PSEN1: variants seen among roughly 807,000 people sequenced by gnomAD.
PSEN1 encodes presenilin 1, also known as presenilin-1.
Under a neutral mutation model 53.5 loss-of-function variants are expected in PSEN1, and 15 were observed. The observed-to-expected ratio is 0.28, with a 90% CI of 0.19 to 0.43. PSEN1 has a LOEUF of 0.43. PSEN1 is among the 20% of genes least tolerant of loss of function. PSEN1 has a pLI of 1.00. For missense variants in PSEN1, 387 were observed against 571.2 expected, an observed-to-expected ratio of 0.68 and a Z score of 3.29; for synonymous variants, 208 against 209.8, an observed-to-expected ratio of 0.99 and a Z score of 0.08.
intron 5 of PSEN1, among the ~76,000 whole-genome samples, chr14:73,184,656 ACCTC>A (rs1232604812): frequency 4.6e-4 from 54 of 116,576 alleles, no homozygotes; most frequent in African/African-American, 1.7e-3. Flanking sequence ...TGACCCCCCC[ACCTC>A]CCTCCCGGAC....
intron 5 of PSEN1, among the ~76,000 whole-genome samples, chr14:73,185,795 T>C (rs1000190715): frequency 1.3e-5 from 2 of 152,152 alleles, no homozygotes; most frequent in African/African-American, 4.8e-5. Context: ...ATGATCCGCC[T>C]GCCGTGGCCT....
At chr14:73,183,535 A>G (rs2140066702) in intron 5 of PSEN1, among the ~76,000 whole-genome samples, 1 of 152,324 alleles carries the variant, frequency 6.6e-6, no homozygotes, top group South Asian at 2.1e-4. Context: ...TCTGTTTAAC[A>G]AAACACATCT....
rs571825723 is a variant in PSEN1, at chr14:73,211,867, C to G, written c.1054C>G (p.Arg352Gly). The G allele has an allele frequency of 6.2e-7, 1 of 1,611,732 alleles. No individual in the cohort carries two copies. Among genetic ancestry groups the G allele is most frequent in the Non-Finnish European group, 8.5e-7 (1 of 1,179,108 alleles). Residue 352 changes from arginine to glycine, a missense_variant, in exon 10 of 12, where the codon CGC becomes GGC. Around this residue, in one of 4 missense-constraint regions of PSEN1, gnomAD observed 75 missense variants for 63.7 expected, o/e 1.18. Transcript: ENST00000324501. ...AQRDSHLGPH[R>G]STPESRAAVQ... ...GAGGGACAGTCATCTAGGGCCTCAT[C>G]GCTCTACACCTGAGTCACGAGCTGC...
intron 5 of PSEN1, among the ~76,000 whole-genome samples, chr14:73,180,991 T>C (rs1898194100): frequency 6.6e-6 from 1 of 152,214 alleles, no homozygotes; most frequent in African/African-American, 2.4e-5. Flanking sequence ...AAGAAGGAAT[T>C]AGAAATGCAG....
chr14:73,154,460 G>A (rs988673207), intron 3 of PSEN1, among the ~76,000 whole-genome samples: 2 of 151,944 alleles, frequency 1.3e-5, no homozygotes, highest in African/African-American at 2.4e-5. Context: ...AATTAGTGGG[G>A]TGTGGTAGTG....
chr14:73,156,953 C>T (rs553079999), intron 3 of PSEN1, among the ~76,000 whole-genome samples: 39 of 152,148 alleles, frequency 2.6e-4, no homozygotes, highest in African/African-American at 7.2e-4. Flanking sequence ...TGAGCCACCA[C>T]GCCTGGCCTT....
At chr14:73,214,978 T>C (rs1899852931) in intron 10 of PSEN1, among the ~76,000 whole-genome samples, 2 of 152,104 alleles carry the variant, frequency 1.3e-5, no homozygotes, top group African/African-American at 4.8e-5. Context: ...ATTTTTTTAT[T>C]TTTTGAGACA....
chr14:73,138,731 C>T (rs1368613464), intron 1 of PSEN1, among the ~76,000 whole-genome samples: 2 of 149,204 alleles, frequency 1.3e-5, no homozygotes, highest in Admixed American at 6.7e-5. Flanking sequence ...GAGGCCGTGG[C>T]GGGCGGATCA....
Position 73,211,860 on chromosome 14 carries a change from G to A in PSEN1, c.1047G>A (p.Gly349=), listed in dbSNP as rs1899698988. 1 of 1,613,314 alleles carries A rather than the reference G, an allele frequency of 6.2e-7. No homozygotes were observed. Among genetic ancestry groups the A allele is most frequent in the Non-Finnish European group, 8.5e-7 (1 of 1,179,838 alleles). Reference sequence around the variant, plus strand: ...AAGCCCAGAGGGACAGTCATCTAGGGCCTCATCGCTCTACACCTGAGTCAC... The same window carrying A: ...AAGCCCAGAGGGACAGTCATCTAGGACCTCATCGCTCTACACCTGAGTCAC... The part of the protein sequence containing the change: ...EWEAQRDSHL[G]PHRSTPESRA... The change falls in exon 10 of 12, where the codon GGG becomes GGA. Residue 349 remains glycine (G), a synonymous_variant. Transcript: ENST00000324501.
chr14:73,146,405 T>C (rs1031476843), intron 1 of PSEN1, among the ~76,000 whole-genome samples: 3 of 152,132 alleles, frequency 2.0e-5, no homozygotes, highest in East Asian at 1.9e-4. Flanking sequence ...GGCTGGAGAC[T>C]GATCTGCAAC....
intron 1 of PSEN1, among the ~76,000 whole-genome samples, chr14:73,137,637 A>ACGAG (rs1896782535): frequency 6.6e-6 from 1 of 152,160 alleles, no homozygotes; most frequent in Non-Finnish European, 1.5e-5. Flanking sequence ...GCTGAGGAGA[A>ACGAG]TGAGTGTGGT....
At chr14:73,143,778 T>G (rs990953561) in intron 1 of PSEN1, among the ~76,000 whole-genome samples, 7 of 151,910 alleles carry the variant, frequency 4.6e-5, no homozygotes, top group African/African-American at 1.7e-4. Flanking sequence ...GTTGGGAGAC[T>G]GAAGTGGTAG....
At chr14:73,212,033 TAC>T in intron 10 of PSEN1, 91 bp downstream of exon 10, 1 of 1,137,788 alleles carries the variant, frequency 8.8e-7, no homozygotes, top group Non-Finnish European at 1.3e-6. Context: ...TTGAGAGTGT[TAC>T]AGTCTAATTC....
At chr14:73,184,650 C>G (rs1338584802) in intron 5 of PSEN1, among the ~76,000 whole-genome samples, 19 of 143,754 alleles carry the variant, frequency 1.3e-4, no homozygotes, top group African/African-American at 4.7e-4. Context: ...GGGGGCTGAC[C>G]CCCCCACCTC....
intron 1 of PSEN1, among the ~76,000 whole-genome samples, chr14:73,146,715 A>C (rs1211859908): frequency 6.6e-6 from 1 of 152,214 alleles, no homozygotes; most frequent in African/African-American, 2.4e-5. Flanking sequence ...AAAAAAATGG[A>C]ATATTTAGAG....
intron 7 of PSEN1, among the ~76,000 whole-genome samples, chr14:73,196,319 TCAAA>T (rs1006953541): frequency 1.3e-5 from 2 of 151,890 alleles, no homozygotes; most frequent in Non-Finnish European, 1.5e-5. Context: ...GACTTCTCAT[TCAAA>T]CAAATTGAGG....
intron 7 of PSEN1, among the ~76,000 whole-genome samples, chr14:73,195,038 C>A (rs532957791): frequency 6.6e-6 from 1 of 152,182 alleles, no homozygotes; most frequent in Non-Finnish European, 1.5e-5. Flanking sequence ...CATATACTCT[C>A]TCTGACTTTC....
At chr14:73,193,787 G>T (rs568129871) in intron 7 of PSEN1, among the ~76,000 whole-genome samples, 11 of 152,006 alleles carry the variant, frequency 7.2e-5, no homozygotes, top group Non-Finnish European at 1.0e-4. Context: ...CTCTCAAGTA[G>T]CTAGAACTAC....
chr14:73,178,347 C>T (rs1898107222), intron 5 of PSEN1, among the ~76,000 whole-genome samples: 1 of 151,286 alleles, frequency 6.6e-6, no homozygotes, highest in Admixed American at 6.6e-5. Flanking sequence ...GCCACCATGC[C>T]CAGCTAATTT....
Sources: gnomAD v4.1 joint callset for allele counts (sites outside exome capture counted in the v4.1 genomes callset) on GRCh38, gnomAD v4.1.1 for gene constraint, gnomAD v4.1.1 regional missense constraint, MANE v1.5 for transcripts, NCBI Gene and HGNC (gene_info 2026-07-23, HGNC 2026-07-21) for gene names.